Variants in ZFAND3 observed in about 807,000 individuals in gnomAD.
The protein encoded by ZFAND3 is zinc finger AN1-type containing 3, also known as AN1-type zinc finger protein 3.
In ZFAND3, 10 loss-of-function variants were observed where a neutral mutation model predicts 29.6. The observed-to-expected ratio is 0.34, with a 90% CI of 0.21 to 0.57. The LOEUF is 0.57. Among genes scored for constraint, ZFAND3 ranks in the 20% least tolerant of loss-of-function variants. The pLI is 0.86. For missense variants in ZFAND3, 230 were observed against 304.5 expected (o/e 0.76, Z 1.82); for synonymous variants, 128 against 112.6 (o/e 1.14, Z -0.87).
chr6:38,137,366 A>AG (rs905595200), intron 5 of ZFAND3, among the ~76,000 whole-genome samples: 1 of 152,224 alleles, frequency 6.6e-6, no homozygotes, highest in African/African-American at 2.4e-5. Flanking sequence ...TTCTCCTGTG[A>AG]GGGGGAGGGG....
chr6:38,066,145 TAG>T (rs552748086), intron 3 of ZFAND3, among the ~76,000 whole-genome samples: 32 of 152,298 alleles, frequency 2.1e-4, no homozygotes, highest in South Asian at 4.1e-4. Context: ...GCAGCTGTGC[TAG>T]AGTGAGGAAG....
chr6:37,840,220 C>G (rs1475965281), intron 1 of ZFAND3, among the ~76,000 whole-genome samples: 5 of 152,116 alleles, frequency 3.3e-5, no homozygotes, highest in Non-Finnish European at 7.4e-5. Flanking sequence ...GCCTCAGCCC[C>G]CAAAATAGCT....
At chr6:37,959,133 C>A (rs537920577) in intron 2 of ZFAND3, among the ~76,000 whole-genome samples, 1 of 152,310 alleles carries the variant, frequency 6.6e-6, no homozygotes, top group South Asian at 2.1e-4. Flanking sequence ...ATTTCACCTT[C>A]TGAATTTGCT....
intron 1 of ZFAND3, among the ~76,000 whole-genome samples, chr6:37,902,810 C>T (rs961568319): frequency 7.3e-6 from 1 of 136,204 alleles, no homozygotes; most frequent in African/African-American, 2.8e-5. Flanking sequence ...AATTCCTGGG[C>T]TCAGGTGATT....
At chr6:37,823,743 G>C (rs959912367) in intron 1 of ZFAND3, among the ~76,000 whole-genome samples, 18 of 151,918 alleles carry the variant, frequency 1.2e-4, no homozygotes, top group Admixed American at 5.9e-4. Context: ...ATATTAACCA[G>C]TTGATGATAA....
Position 37,854,142 on chromosome 6 carries a change from G to C in ZFAND3, c.71+34126G>C, listed in dbSNP as rs1407483169. 2.6e-5 allele frequency among the ~76,000 whole-genome samples: 4 copies of C among 152,006 alleles called. No individual in the cohort carries two copies. In the East Asian group the frequency reaches 7.7e-4, roughly 29 times the overall value. On this transcript the variant is annotated intron_variant, in intron 1 of 5. Coordinates refer to ENST00000287218, the MANE Select transcript of ZFAND3 (RefSeq NM_021943.3). ...AATTTTGTATTTTTAGTAGAGATGG[G>C]GTTTTTCCATGTTGGTCAGGCTGGT...
At chr6:38,066,327 A>T (rs1309163246) in intron 3 of ZFAND3, among the ~76,000 whole-genome samples, 1 of 152,168 alleles carries the variant, frequency 6.6e-6, no homozygotes, top group Non-Finnish European at 1.5e-5. Flanking sequence ...ACATCTTGCA[A>T]ATTTTTTAAG....
At chr6:37,913,287 C>T (rs186911371) in intron 1 of ZFAND3, among the ~76,000 whole-genome samples, 15 of 152,328 alleles carry the variant, frequency 9.8e-5, no homozygotes, top group Admixed American at 2.6e-4. Flanking sequence ...TCAATCCTCT[C>T]GAACCCTGCT....
At chr6:37,995,693 T>A (rs1762837706) in intron 2 of ZFAND3, among the ~76,000 whole-genome samples, 1 of 152,214 alleles carries the variant, frequency 6.6e-6, no homozygotes, top group South Asian at 2.1e-4. Flanking sequence ...TTTTAGTTTT[T>A]AAAAAGCCTT....
At chr6:37,923,366 T>A (rs913137822) in intron 1 of ZFAND3, among the ~76,000 whole-genome samples, 8 of 152,242 alleles carry the variant, frequency 5.3e-5, no homozygotes, top group Non-Finnish European at 1.0e-4. Context: ...CATCACTGTC[T>A]TCTGCTTCCA....
chr6:37,849,121 G>A (rs927041208), intron 1 of ZFAND3, among the ~76,000 whole-genome samples: 1 of 152,166 alleles, frequency 6.6e-6, no homozygotes, highest in Admixed American at 6.5e-5. Flanking sequence ...AATTAGTTTG[G>A]ATTCTATATT....
intron 1 of ZFAND3, among the ~76,000 whole-genome samples, chr6:37,861,547 G>A (rs1017845721): frequency 6.6e-6 from 1 of 152,196 alleles, no homozygotes; most frequent in South Asian, 2.1e-4. Flanking sequence ...TTTGATCCCA[G>A]CATTAATCTT....
intron 2 of ZFAND3, among the ~76,000 whole-genome samples, chr6:38,027,963 TG>T (rs1763480754): frequency 6.6e-6 from 1 of 152,244 alleles, no homozygotes; most frequent in African/African-American, 2.4e-5. Flanking sequence ...TTTCTGAGGC[TG>T]GGCTTAAAGG....
At chr6:37,829,492 A>G (rs747955189) in intron 1 of ZFAND3, among the ~76,000 whole-genome samples, 8 of 151,660 alleles carry the variant, frequency 5.3e-5, no homozygotes, top group Non-Finnish European at 1.2e-4. Flanking sequence ...CCAAGATTGC[A>G]CTACTGCACT....
intron 2 of ZFAND3, among the ~76,000 whole-genome samples, chr6:38,061,253 C>G (rs1764233560): frequency 1.3e-5 from 2 of 152,150 alleles, no homozygotes; most frequent in Admixed American, 6.5e-5. Context: ...TCCTTATGAC[C>G]TTTCCTTCTG....
At chr6:38,146,611 T>C (rs549588801) in intron 5 of ZFAND3, among the ~76,000 whole-genome samples, 111 of 152,246 alleles carry the variant, frequency 7.3e-4, no homozygotes, top group South Asian at 6.8e-3. Context: ...AATCCAGTAA[T>C]CTTGGGCTCT....
At chr6:37,924,375 A>G (rs546506954) in intron 1 of ZFAND3, among the ~76,000 whole-genome samples, 5 of 151,622 alleles carry the variant, frequency 3.3e-5, no homozygotes, top group African/African-American at 1.2e-4. Flanking sequence ...TCATTTAACA[A>G]GCATTTATTG....
chr6:37,906,875 G>GT (rs1765418339), intron 1 of ZFAND3, among the ~76,000 whole-genome samples: 1 of 151,960 alleles, frequency 6.6e-6, no homozygotes, highest in Non-Finnish European at 1.5e-5. Flanking sequence ...TAATTGGGTT[G>GT]TCTTTTTGTT....
intron 1 of ZFAND3, among the ~76,000 whole-genome samples, chr6:37,876,149 A>G (rs1764789327): frequency 6.6e-6 from 1 of 152,218 alleles, no homozygotes; most frequent in Non-Finnish European, 1.5e-5. Context: ...GAAGCAGGAA[A>G]TAAAGGAAAT....
Sources: gnomAD v4.1 joint callset for allele counts (sites outside exome capture counted in the v4.1 genomes callset) on GRCh38, gnomAD v4.1.1 for gene constraint, MANE v1.5 for transcripts, NCBI Gene and HGNC (gene_info 2026-07-23, HGNC 2026-07-21) for gene names.